SCAP: variants seen among roughly 807,000 people sequenced by gnomAD.
SCAP encodes SREBF chaperone, also known as sterol regulatory element-binding protein cleavage-activating protein.
In SCAP, 65 loss-of-function variants were observed where a neutral mutation model predicts 123.6. The ratio of observed to expected loss-of-function variants is 0.53; its 90% CI spans 0.43 to 0.65. The LOEUF (loss-of-function observed/expected upper bound fraction) is 0.65, where lower values mean the gene tolerates loss of function less well. Among genes scored for constraint, SCAP ranks in the 30% least tolerant of loss-of-function variants. The probability of loss-of-function intolerance (pLI) is 0.00; values close to 1 mark genes in which losing one functional copy is unlikely to be tolerated. For missense variants in SCAP, 1,398 were observed against 1,712.5 expected, an observed-to-expected ratio of 0.82 and a Z score of 3.24; for synonymous variants, 740 against 726.3, an observed-to-expected ratio of 1.02 and a Z score of -0.30.
At chr3:47,436,305 T>C (rs1473957361) in intron 2 of SCAP, among the ~76,000 whole-genome samples, 2 of 152,138 alleles carry the variant, frequency 1.3e-5, no homozygotes, top group Admixed American at 6.6e-5. Flanking sequence ...GGACCCGATA[T>C]ACGCAAGGAA....
At chr3:47,429,537 A>T (rs878874760) in intron 3 of SCAP, among the ~76,000 whole-genome samples, 3 of 152,184 alleles carry the variant, frequency 2.0e-5, no homozygotes, top group Admixed American at 1.3e-4. Context: ...TTTTGTAGGG[A>T]CAGGGTATCA....
intron 1 of SCAP, among the ~76,000 whole-genome samples, chr3:47,470,447 T>C (rs1423443161): frequency 1.3e-5 from 2 of 152,146 alleles, no homozygotes; most frequent in Non-Finnish European, 2.9e-5. Flanking sequence ...AAGGATTAAG[T>C]GAACATCTGT....
chr3:47,476,892 C>A (rs376992803), upstream of SCAP: 28 of 154,098 alleles, frequency 1.8e-4, no homozygotes, highest in Admixed American at 3.3e-4. Flanking sequence ...AGCCTCCCCT[C>A]AGCCCCTGCC....
intron 1 of SCAP, among the ~76,000 whole-genome samples, chr3:47,454,005 A>G (rs1707315031): frequency 6.6e-6 from 1 of 152,236 alleles, no homozygotes; most frequent in South Asian, 2.1e-4. Flanking sequence ...TATGTTCAAC[A>G]TATTAACAGA....
At chr3:47,430,767 G>A (rs1273800689) in intron 3 of SCAP, among the ~76,000 whole-genome samples, 3 of 152,202 alleles carry the variant, frequency 2.0e-5, no homozygotes, top group African/African-American at 7.2e-5. Flanking sequence ...GGTGTACTGC[G>A]AGGTGTGGAC....
intron 1 of SCAP, among the ~76,000 whole-genome samples, chr3:47,469,424 C>T (rs764129088): frequency 5.3e-5 from 8 of 152,198 alleles, no homozygotes; most frequent in Non-Finnish European, 7.3e-5. Context: ...TGCTGTGACA[C>T]GATCCTGGCT....
intron 1 of SCAP, among the ~76,000 whole-genome samples, chr3:47,466,059 G>C (rs1284915749): frequency 6.6e-6 from 1 of 151,140 alleles, no homozygotes; most frequent in Non-Finnish European, 1.5e-5. Context: ...CTTGAACCCA[G>C]GAGGTGGAGT....
At chr3:47,428,454 T>G in intron 4 of SCAP, 59 bp downstream of exon 4, 1 of 1,556,268 alleles carries the variant, frequency 6.4e-7, no homozygotes, top group Admixed American at 1.7e-5. Context: ...CTGAGGACTG[T>G]AACTCTCCCT....
rs892915479 is a variant in SCAP at position 47,418,855 on chromosome 3, C to T, written c.1941-12G>A. 1 of 1,511,936 alleles carries T rather than the reference C, an allele frequency of 6.6e-7. No individual in the cohort carries two copies. The highest frequency in any genetic ancestry group is 8.8e-7 in the Non-Finnish European group (1 of 1,132,888). 93.7% of individuals were successfully genotyped at this position (1,511,936 alleles called of 1,614,324 possible). ...GCAGGCTGATGTACCTGGATTCGGA[C>T]AGTGGGCAGCCTCAGCGGGGGGCCT... On this transcript the variant is annotated splice_polypyrimidine_tract_variant and intron_variant, in intron 13 of 22. Coordinates refer to ENST00000265565, the MANE Select transcript of SCAP (RefSeq NM_012235.4).
chr3:47,441,068 A>G (rs945641435), intron 2 of SCAP, among the ~76,000 whole-genome samples: 1 of 151,638 alleles, frequency 6.6e-6, no homozygotes, highest in Non-Finnish European at 1.5e-5. Flanking sequence ...CACCTAGCTA[A>G]TTTTTGCATT....
At position 47,420,934 on chromosome 3, in the gene SCAP, C is replaced by T; in HGVS notation, c.1341G>A (p.Met447Ile). 1.2e-6 allele frequency: 2 copies of T among 1,613,718 alleles called. No individual in the cohort carries two copies. The highest frequency in any genetic ancestry group is 1.7e-6 in the Non-Finnish European group (2 of 1,179,808). ...GCAGGGCTCAGCCCACTCCTACCTC[C>T]ATCCGGCGAATGTCAATGGACAGGA... is the stretch of plus-strand genomic sequence containing the variant. ...TTVLSIDIRR[M>I]ELADLNKRLP... The change falls in exon 11 of 23, where the codon ATG becomes ATA. Residue 447 changes from methionine to isoleucine, a missense_variant. By Grantham distance (10) the Met-to-Ile change is conservative. Coordinates refer to ENST00000265565, the MANE Select transcript of SCAP (RefSeq NM_012235.4). This position sits in a 1 kb window ranked among gnomAD's most constrained non-coding sequence, Gnocchi z 5.0.
intron 2 of SCAP, among the ~76,000 whole-genome samples, chr3:47,442,563 G>T (rs1233471397): frequency 1.3e-5 from 2 of 152,174 alleles, no homozygotes. Context: ...CTACTATTGA[G>T]AAAGAAAACT....
At chr3:47,458,358 G>A (rs1307002463) in intron 1 of SCAP, among the ~76,000 whole-genome samples, 2 of 152,106 alleles carry the variant, frequency 1.3e-5, no homozygotes, top group East Asian at 1.9e-4. Context: ...GAACCCTGGA[G>A]GCAGAGGTTG....
At chr3:47,446,335 G>A (rs1256422622) in intron 1 of SCAP, among the ~76,000 whole-genome samples, 9 of 151,850 alleles carry the variant, frequency 5.9e-5, no homozygotes, top group South Asian at 4.2e-4. Context: ...CACCACACCC[G>A]GCTAATTTTT....
intron 10 of SCAP, chr3:47,421,299 T>TA (rs574511730): frequency 4.9e-4 from 208 of 426,514 alleles, no homozygotes; most frequent in African/African-American, 3.6e-3. Flanking sequence ...CCGGTCCCTC[T>TA]AGAGGGGACT....
At chr3:47,428,994 G>A (rs7651762) in intron 3 of SCAP, 97,196 of 250,180 alleles carry the variant, frequency 0.39, 19,615 homozygotes, top group East Asian at 0.52. Flanking sequence ...AACTCCCCCC[G>A]GAATTTGCAC....
chr3:47,422,671 C>T (rs534231902), intron 9 of SCAP, 135 bp from the exon 10 acceptor site: 6 of 650,326 alleles, frequency 9.2e-6, no homozygotes, highest in African/African-American at 7.3e-5. Flanking sequence ...TCCACCAAAG[C>T]ACCCCAACCC....
In SCAP at chr3:47,427,624, C is replaced by T. The variant is rs776778325; in HGVS notation, c.454G>A (p.Asp152Asn). Residue 152 changes from aspartate to asparagine, a missense_variant, in exon 5 of 23, where the codon GAC becomes AAC. Physicochemically the swap from Asp to Asn is conservative, Grantham distance 23. Coordinates refer to ENST00000265565, the MANE Select transcript of SCAP (RefSeq NM_012235.4). Reference sequence around the variant, plus strand: ...AGCTTCCTAAGGCCTGGCAGCAGGTCGGTCACTTGCAGACACAACTCCTCC... The same window carrying T: ...AGCTTCCTAAGGCCTGGCAGCAGGTTGGTCACTTGCAGACACAACTCCTCC... Reference protein sequence around the residue: ...SLEELCLQVTDLLPGLRKLRN... With the variant: ...SLEELCLQVTNLLPGLRKLRN... 32 of 1,613,986 alleles carry T rather than the reference C, an allele frequency of 2.0e-5. No homozygotes were observed. The highest frequency in any genetic ancestry group is 2.2e-5 in the Non-Finnish European group (26 of 1,180,026).
In SCAP at chr3:47,417,740, G is replaced by A. The variant is rs1705662351; in HGVS notation, c.2534C>T (p.Pro845Leu). ...ERLSDGGKAG[P>L]EEPGDSPPLR... ...GGGAGGGCTGTCCCCAGGCTCCTCT[G>A]GACCAGCCTTCCCACCATCTGAAAG... The change falls in exon 17 of 23, where the codon CCA becomes CTA. Residue 845 changes from proline to leucine, a missense_variant. This residue lies in a region of SCAP where 828 missense variants were observed against 882.5 expected (regional missense o/e 0.94). Transcript: ENST00000265565. The A allele has an allele frequency of 6.2e-7, 1 of 1,607,038 alleles. No individual in the cohort carries two copies.
Sources: allele counts gnomAD v4.1 joint callset (sites outside exome capture counted in the v4.1 genomes callset), GRCh38; gene constraint gnomAD v4.1.1; regional missense constraint gnomAD v4.1.1; non-coding constraint Gnocchi (gnomAD v3.1); transcripts MANE v1.5; gene names NCBI Gene and HGNC (gene_info 2026-07-23, HGNC 2026-07-21).